The following CYTH3 variants were observed in gnomAD, a reference collection of about 807,000 sequenced individuals.
CYTH3 encodes the protein cytohesin 3.
Under a neutral mutation model 55.1 loss-of-function variants are expected in CYTH3, and 23 were observed. The observed-to-expected ratio is 0.42, with a 90% CI of 0.30 to 0.59. The LOEUF (loss-of-function observed/expected upper bound fraction) is 0.59, where lower values mean the gene tolerates loss of function less well. CYTH3 is among the 20% of genes least tolerant of loss of function. The pLI is 0.20. For missense variants in CYTH3, 413 were observed against 524.8 expected (o/e 0.79, Z 2.08); for synonymous variants, 249 against 194.9 (o/e 1.28, Z -2.31).
At chr7:6,187,181 C>T in intron 3 of CYTH3, 65 bp from the exon 4 acceptor site, 3 of 1,515,316 alleles carry the variant, frequency 2.0e-6, no homozygotes, top group Non-Finnish European at 2.8e-6. Context: ...AGTCACGGCC[C>T]TCCAGTGTAC....
At chr7:6,196,448 CTTTTTTTCTTTTTT>C (rs1476113681) in intron 1 of CYTH3, among the ~76,000 whole-genome samples, 1 of 135,256 alleles carries the variant, frequency 7.4e-6, no homozygotes, top group East Asian at 2.5e-4. Context: ...CATCTTTTTT[CTTTTTTTCTTTTTT>C]TTTTTTTTTT....
At chr7:6,196,743 G>C (rs10264140) in intron 1 of CYTH3, among the ~76,000 whole-genome samples, 19,311 of 152,130 alleles carry the variant, frequency 0.13, 2,552 homozygotes, top group African/African-American at 0.33. Flanking sequence ...TTACAGGCGT[G>C]AGCCACCGCG....
chr7:6,245,365 TAG>T (rs903872711), intron 1 of CYTH3, among the ~76,000 whole-genome samples: 4 of 152,098 alleles, frequency 2.6e-5, no homozygotes, highest in African/African-American at 7.2e-5. Context: ...CCCTCAGAAT[TAG>T]AGAGTTTCAG....
rs910285494 is a variant in CYTH3 at position 6,171,363 on chromosome 7, C to T, written c.450-49G>A. 4 of 1,583,914 alleles carry T rather than the reference C, an allele frequency of 2.5e-6. No individual in the cohort carries two copies. The African/African-American group carries it at 5.4e-5, about 21-fold the overall frequency. The stretch of plus-strand genomic sequence containing the variant: ...GAAGCCGCATCAGAACCAACACCGC[C>T]TCACGGCCAAGGGCGGCTTCTGCCC... On this transcript the variant is annotated intron_variant, in intron 6 of 12. Coordinates refer to ENST00000350796, the MANE Select transcript of CYTH3 (RefSeq NM_004227.4). The surrounding 1 kb of genome is among the most constrained non-coding windows in gnomAD (Gnocchi z 6.7).
chr7:6,263,054 C>T (rs557685548), intron 1 of CYTH3, among the ~76,000 whole-genome samples: 58 of 152,236 alleles, frequency 3.8e-4, no homozygotes, highest in African/African-American at 1.3e-3. Flanking sequence ...TATTTGATTC[C>T]TACAGTTTCT....
chr7:6,216,440 T>G (rs112368418), intron 1 of CYTH3, among the ~76,000 whole-genome samples: 4,272 of 151,940 alleles, frequency 0.028, 92 homozygotes, highest in Middle Eastern at 0.065. Flanking sequence ...AGAGATATAC[T>G]CAATCAAAAA....
intron 1 of CYTH3, among the ~76,000 whole-genome samples, chr7:6,201,219 A>G (rs1285767260): frequency 1.3e-5 from 2 of 152,168 alleles, no homozygotes; most frequent in African/African-American, 2.4e-5. Context: ...CATTCAAACT[A>G]TGACATCCAG....
intron 1 of CYTH3, among the ~76,000 whole-genome samples, chr7:6,214,721 T>C (rs535266223): frequency 2.0e-5 from 3 of 152,302 alleles, no homozygotes; most frequent in Admixed American, 6.5e-5. Flanking sequence ...AAGTAGAGCC[T>C]GTAAGATGTG....
chr7:6,245,013 G>A (rs961476012), intron 1 of CYTH3, among the ~76,000 whole-genome samples: 1 of 109,164 alleles, frequency 9.2e-6, no homozygotes, highest in South Asian at 3.1e-4. Flanking sequence ...GTAGAGACAT[G>A]GTTTCCCGTG....
At chr7:6,198,667 C>T (rs573029606) in intron 1 of CYTH3, among the ~76,000 whole-genome samples, 1 of 151,832 alleles carries the variant, frequency 6.6e-6, no homozygotes, top group African/African-American at 2.4e-5. Context: ...AGAAATCTAG[C>T]GGTTTATTTT....
At chr7:6,259,813 A>ATATATATATATT in intron 1 of CYTH3, among the ~76,000 whole-genome samples, 3 of 25,452 alleles carry the variant, frequency 1.2e-4, no homozygotes, top group South Asian at 2.4e-3. Flanking sequence ...ATATATATAT[A>ATATATATATATT]ATATATATAT....
chr7:6,215,989 T>A lies in CYTH3; in HGVS notation c.35-25458A>T, dbSNP rs556804223. Among the ~76,000 whole-genome samples the A allele has an allele frequency of 4.6e-4, 70 of 152,274 alleles. No homozygotes were observed. In the South Asian group the frequency reaches 0.014, roughly 30 times the overall value. On this transcript the variant is annotated intron_variant, in intron 1 of 12. Coordinates refer to ENST00000350796, the MANE Select transcript of CYTH3 (RefSeq NM_004227.4). Reference sequence around the variant, plus strand: ...AAAGGGAAATTGAGACATTCTTAAATAAAGGAAAACGAAAACAACTTGTCA... The same window carrying A: ...AAAGGGAAATTGAGACATTCTTAAAAAAAGGAAAACGAAAACAACTTGTCA...
chr7:6,197,644 T>C (rs924365239), intron 1 of CYTH3, among the ~76,000 whole-genome samples: 11 of 152,052 alleles, frequency 7.2e-5, no homozygotes, highest in Non-Finnish European at 1.0e-4. Flanking sequence ...GATCATGCCA[T>C]TGCCCTCCAG....
In CYTH3 at chr7:6,170,123, G is replaced by T. The variant is rs1005459647; in HGVS notation, c.823+412C>A. ...GGGACAGCCCGTCACAGAACAGAAA[G>T]GTGGGAGCCACAGGCAGAAGGAAAA... On this transcript the variant is annotated intron_variant, in intron 9 of 12. Transcript: ENST00000350796. This position sits in a 1 kb window ranked among gnomAD's most constrained non-coding sequence, Gnocchi z 7.8. 8.7e-5 allele frequency: 16 copies of T among 183,236 alleles called. No homozygotes were observed. Among genetic ancestry groups the T allele is most frequent in the African/African-American group, 3.1e-4 (13 of 42,116 alleles). The allele number at this position is 183,236 out of a possible 1,614,324, so 11.4% of individuals were successfully genotyped here.
intron 1 of CYTH3, among the ~76,000 whole-genome samples, chr7:6,269,104 C>T (rs1780584325): frequency 6.6e-6 from 1 of 152,082 alleles, no homozygotes; most frequent in Admixed American, 6.5e-5. Flanking sequence ...CAGTGGCTCC[C>T]AGTGGCCAAT....
intron 1 of CYTH3, among the ~76,000 whole-genome samples, chr7:6,191,647 G>A (rs1783807323): frequency 6.8e-6 from 1 of 147,232 alleles, no homozygotes; most frequent in Non-Finnish European, 1.5e-5. Context: ...CCTGGCTGGA[G>A]TGCAGTGGCA....
chr7:6,250,772 T>C (rs1779942003), intron 1 of CYTH3, among the ~76,000 whole-genome samples: 1 of 152,220 alleles, frequency 6.6e-6, no homozygotes, highest in Non-Finnish European at 1.5e-5. Context: ...CACAACTTTA[T>C]GAATATACTA....
chr7:6,227,693 C>T (rs1161023888), intron 1 of CYTH3, among the ~76,000 whole-genome samples: 1 of 152,222 alleles, frequency 6.6e-6, no homozygotes, highest in Admixed American at 6.5e-5. Flanking sequence ...TTTACAACAA[C>T]TATGTTTTCA....
At chr7:6,224,889 T>G (rs1779201671) in intron 1 of CYTH3, among the ~76,000 whole-genome samples, 1 of 152,232 alleles carries the variant, frequency 6.6e-6, no homozygotes, top group Non-Finnish European at 1.5e-5. Context: ...ACTATGGATA[T>G]GTTATAACAT....
Sources: gnomAD v4.1 joint callset for allele counts (sites outside exome capture counted in the v4.1 genomes callset) on GRCh38, gnomAD v4.1.1 for gene constraint, Gnocchi (gnomAD v3.1) non-coding constraint, MANE v1.5 for transcripts, NCBI Gene and HGNC (gene_info 2026-07-23, HGNC 2026-07-21) for gene names.